The following PTCH1 variants were observed in gnomAD, a reference collection of about 807,000 sequenced individuals.
The protein encoded by PTCH1 is patched 1.
Under a neutral mutation model 144.6 loss-of-function variants are expected in PTCH1, and 14 were observed. The observed-to-expected ratio is 0.10, with a 90% CI of 0.06 to 0.15. The LOEUF is 0.15. Among genes scored for constraint, PTCH1 ranks in the 10% least tolerant of loss-of-function variants. The pLI, the probability that PTCH1 is intolerant of heterozygous loss-of-function variation, is 1.00. For missense variants in PTCH1, 1,623 were observed against 1,948.3 expected, an observed-to-expected ratio of 0.83 and a Z score of 3.14; for synonymous variants, 833 against 793.6, an observed-to-expected ratio of 1.05 and a Z score of -0.83.
chr9:95,481,909 G>A lies in PTCH1; in HGVS notation c.746+40C>T, dbSNP rs534852281. The A allele has an allele frequency of 1.1e-5, 16 of 1,496,748 alleles. No homozygotes were observed. The South Asian group carries it at 1.4e-4, about 13-fold the overall frequency. 92.7% of individuals were successfully genotyped at this position (1,496,748 alleles called of 1,614,324 possible). A position where few individuals can be genotyped will look rare whatever the true frequency, so the allele number is the denominator to read the frequency against. The stretch of plus-strand genomic sequence containing the variant: ...GCAACATTAGAAACACTGAGTCCTA[G>A]AGAAGTCACAGACATCAGAAAGCAT... On this transcript the variant is annotated intron_variant, in intron 5 of 23. Coordinates refer to ENST00000331920, the MANE Select transcript of PTCH1 (RefSeq NM_000264.5).
chr9:95,449,268 G>T lies in PTCH1; in HGVS notation c.3605C>A (p.Pro1202His), dbSNP rs374097441. Residue 1202 changes from proline (P) to histidine (H), a missense_variant, in exon 22 of 24, where the codon CCC becomes CAC. Pro to His is a moderately conservative substitution (Grantham distance 77). This residue lies in a region of PTCH1 where 504 missense variants were observed against 679.3 expected (regional missense o/e 0.74). Coordinates refer to ENST00000331920, the MANE Select transcript of PTCH1 (RefSeq NM_000264.5). This position sits in a 1 kb window ranked among gnomAD's most constrained non-coding sequence, Gnocchi z 5.3. The stretch of plus-strand genomic sequence containing the variant: ...CGGCATGGCGAAGCGGACCACGCTG[G>T]GGGGTGGCTCAGGGGAGGGTGTGGG... ...RLPTPSPEPP[P>H]SVVRFAMPPG... is the part of the protein sequence containing the mutation. The T allele has an allele frequency of 3.2e-6, 5 of 1,564,532 alleles. No individual in the cohort carries two copies. The highest frequency in any genetic ancestry group is 4.3e-6 in the Non-Finnish European group (5 of 1,154,424).
rs1385716438 is a variant in PTCH1 at position 95,508,809 on chromosome 9, C to T, written c.-448G>A. ...AAAGAGCCAGCGAATCCCCGCTGCT[C>T]CCGCCGGCCGCGCTGGCTCTCTCGG... On this transcript the variant is annotated 5_prime_UTR_variant, in exon 1 of 24. Coordinates refer to ENST00000331920, the MANE Select transcript of PTCH1 (RefSeq NM_000264.5). The T allele has an allele frequency of 1.0e-6, 1 of 984,478 alleles. No homozygotes were observed. Among genetic ancestry groups the T allele is most frequent in the African/African-American group, 1.8e-5 (1 of 57,062 alleles). The allele number at this position is 984,478 out of a possible 1,614,324, so 61.0% of individuals were successfully genotyped here. A position where few individuals can be genotyped will look rare whatever the true frequency, so the allele number is the denominator to read the frequency against.
chr9:95,505,399 T>G (rs1052896652), intron 2 of PTCH1, among the ~76,000 whole-genome samples: 3 of 152,114 alleles, frequency 2.0e-5, no homozygotes, highest in African/African-American at 7.2e-5. Flanking sequence ...TGTTTCCAAA[T>G]AGCAGGATTT....
At chr9:95,456,210 GACAA>G in intron 19 of PTCH1, 62 bp downstream of exon 19, 1 of 1,602,212 alleles carries the variant, frequency 6.2e-7, no homozygotes, top group African/African-American at 1.3e-5. Flanking sequence ...CCCACTTGGA[GACAA>G]ACAGAGCCAG....
chr9:95,508,274 C>T lies in PTCH1; in HGVS notation c.88G>A (p.Gly30Ser), dbSNP rs1843900330. The T allele has an allele frequency of 6.4e-7, 1 of 1,567,772 alleles. No individual in the cohort carries two copies. Among genetic ancestry groups the T allele is most frequent in the African/African-American group, 1.4e-5 (1 of 72,592 alleles). The stretch of plus-strand genomic sequence containing the variant: ...CCCCCCGTCCGTCTGCGCCTCCCGC[C>T]TCCAGCCGGCCGTCCCGGGGCACCG... ...CIGAPGRPAG[G>S]GRRRRTGGLR... The change falls in exon 1 of 24, where the codon GGC becomes AGC. Residue 30 changes from glycine to serine, a missense_variant. Physicochemically the swap from Gly to Ser is moderately conservative, Grantham distance 56. Transcript: ENST00000331920.
At position 95,468,880 on chromosome 9, in the gene PTCH1, G is replaced by A. The variant is rs1588574313; in HGVS notation, c.2121C>T (p.Ser707=). The change falls in exon 14 of 24, where the codon TCC becomes TCT. Residue 707 remains serine (S), a synonymous_variant. Transcript: ENST00000331920. ...LSCQSPESTS[S]TRDLLSQFSD... ...AGAACTGGGAGAGCAGGTCCCTTGT[G>A]GAGCTGGTGCTCTCTGGGCTCTGGC... The A allele has an allele frequency of 6.2e-7, 1 of 1,614,194 alleles. No individual in the cohort carries two copies.
In PTCH1 at chr9:95,485,689, T is replaced by C. The variant is rs1689352364; in HGVS notation, c.580A>G (p.Asn194Asp). Residue 194 changes from asparagine (N) to aspartate (D), a missense_variant, in exon 3 of 24, where the codon AAC (asparagine) becomes GAC (aspartate). Asn to Asp is a conservative substitution (Grantham distance 23, BLOSUM62 1). Transcript: ENST00000331920. ...QASRVHVYMY[N>D]RQWKLEHLCY... is the part of the protein sequence containing the mutation. ...GGTGGACGCGGCGGGCCTTACCTGT[T>C]GTACATGTATACATGGACACGGCTG... is the stretch of plus-strand genomic sequence containing the variant. The C allele has an allele frequency of 1.9e-6, 3 of 1,613,950 alleles. No individual in the cohort carries two copies. The highest frequency in any genetic ancestry group is 1.3e-5 in the African/African-American group (1 of 74,908).
chr9:95,454,045 T>G (rs1216863135), intron 19 of PTCH1, among the ~76,000 whole-genome samples: 1 of 152,216 alleles, frequency 6.6e-6, no homozygotes, highest in Admixed American at 6.5e-5. Flanking sequence ...CTACACACAC[T>G]TCCTCACGAT....
Position 95,508,810 on chromosome 9 carries a change from C to A in PTCH1, c.-449G>T. 1 of 984,864 alleles carries A rather than the reference C, an allele frequency of 1.0e-6. No individual in the cohort carries two copies. Among genetic ancestry groups the A allele is most frequent in the Non-Finnish European group, 1.2e-6 (1 of 829,792 alleles). 61.0% of individuals were successfully genotyped at this position (984,864 alleles called of 1,614,324 possible). A position where few individuals can be genotyped will look rare whatever the true frequency, so the allele number is the denominator to read the frequency against. ...AAGAGCCAGCGAATCCCCGCTGCTC[C>A]CGCCGGCCGCGCTGGCTCTCTCGGC... On this transcript the variant is annotated 5_prime_UTR_variant, in exon 1 of 24. An upstream open reading frame in the 5' UTR gains an earlier in-frame stop. Transcript: ENST00000331920.
chr9:95,456,523 A>G lies in PTCH1; in HGVS notation c.3169-110T>C, dbSNP rs1215665926. On this transcript the variant is annotated intron_variant, in intron 18 of 23. Transcript: ENST00000331920. ...GTCCTCGGTTCAGATCAAAACAATG[A>G]ATGGACTGACTTGCTTTAACTCTGG... 6 of 1,393,924 alleles carry G rather than the reference A, an allele frequency of 4.3e-6. No individual in the cohort carries two copies. In the African/African-American group the frequency reaches 5.7e-5, roughly 13 times the overall value. The allele number at this position is 1,393,924 out of a possible 1,614,324, so 86.3% of individuals were successfully genotyped here.
chr9:95,501,447 C>T (rs139569163), intron 2 of PTCH1, among the ~76,000 whole-genome samples: 47 of 151,860 alleles, frequency 3.1e-4, no homozygotes, highest in African/African-American at 1.0e-3. Context: ...AGTTCAAGAA[C>T]ACTGAAAGCA....
At chr9:95,491,906 C>T (rs1187114598) in intron 2 of PTCH1, among the ~76,000 whole-genome samples, 1 of 152,322 alleles carries the variant, frequency 6.6e-6, no homozygotes, top group South Asian at 2.1e-4. Context: ...TTAACTATAG[C>T]AGACCTGGTA....
At chr9:95,512,208 G>A (rs1156244494), upstream of PTCH1, among the ~76,000 whole-genome samples, 1 of 152,148 alleles carries the variant, frequency 6.6e-6, no homozygotes. Flanking sequence ...ATTCCTAAAC[G>A]TTTTGAACAT....
intron 22 of PTCH1, among the ~76,000 whole-genome samples, chr9:95,448,087 C>T (rs1163716499): frequency 6.6e-6 from 1 of 152,180 alleles, no homozygotes; most frequent in East Asian, 1.9e-4. Context: ...AATCTGGTCT[C>T]TGCGTCTCTA....
upstream of PTCH1, among the ~76,000 whole-genome samples, chr9:95,511,323 C>T (rs1041730097): frequency 2.6e-5 from 4 of 152,106 alleles, no homozygotes; most frequent in African/African-American, 4.8e-5. Flanking sequence ...CCCTCAATCT[C>T]CCCTCCCCCA....
At chr9:95,455,493 T>G (rs1043701821) in intron 19 of PTCH1, among the ~76,000 whole-genome samples, 2 of 152,270 alleles carry the variant, frequency 1.3e-5, no homozygotes, top group African/African-American at 4.8e-5. Context: ...TAGGCTCTAA[T>G]CTGCAGACAG....
chr9:95,513,824 C>G (rs939987971), upstream of PTCH1, among the ~76,000 whole-genome samples: 1 of 152,228 alleles, frequency 6.6e-6, no homozygotes, highest in Admixed American at 6.5e-5. Flanking sequence ...TTATTTACCC[C>G]CTCCCCAGGC....
intron 22 of PTCH1, among the ~76,000 whole-genome samples, chr9:95,448,407 C>T (rs1838149977): frequency 6.6e-6 from 1 of 152,066 alleles, no homozygotes; most frequent in Non-Finnish European, 1.5e-5. Context: ...TGAGCCCATC[C>T]CAGGGAGCAC....
chr9:95,447,679 T>C (rs557370945), intron 22 of PTCH1, among the ~76,000 whole-genome samples: 1 of 152,376 alleles, frequency 6.6e-6, no homozygotes, highest in African/African-American at 2.4e-5. Flanking sequence ...CTGACACGGC[T>C]GGCTGGACAC....
Sources: gnomAD v4.1 joint callset for allele counts (sites outside exome capture counted in the v4.1 genomes callset) on GRCh38, gnomAD v4.1.1 for gene constraint, gnomAD v4.1.1 regional missense constraint, Gnocchi (gnomAD v3.1) non-coding constraint, MANE v1.5 for transcripts, NCBI Gene and HGNC (gene_info 2026-07-23, HGNC 2026-07-21) for gene names.